The following MBNL1 variants were observed in gnomAD, a reference collection of about 807,000 sequenced individuals.
MBNL1 encodes muscleblind like splicing regulator 1.
MBNL1 carries 8 observed loss-of-function variants against 42.2 expected under a neutral mutation model. That is an observed-to-expected ratio of 0.19 (90% CI 0.11 to 0.34). The LOEUF (loss-of-function observed/expected upper bound fraction) is 0.34, where lower values mean the gene tolerates loss of function less well. MBNL1 is among the 10% of genes least tolerant of loss of function. The pLI is 1.00. For synonymous variants in MBNL1, 169 were observed against 173.9 expected (o/e 0.97, Z 0.22); for missense variants, 309 against 495.3 (o/e 0.62, Z 3.57).
intron 2 of MBNL1, among the ~76,000 whole-genome samples, chr3:152,383,431 A>G (rs1399156703): frequency 3.3e-5 from 5 of 152,058 alleles, no homozygotes; most frequent in Non-Finnish European, 5.9e-5. Flanking sequence ...GTTTATATGC[A>G]TTGTACAGAG....
chr3:152,352,372 A>T, intron 2 of MBNL1, among the ~76,000 whole-genome samples: 1 of 152,184 alleles, frequency 6.6e-6, no homozygotes, highest in East Asian at 1.9e-4. Context: ...GAGTCCCAGG[A>T]AAGCATGAGA....
chr3:152,263,259 T>A (rs895317447), upstream of MBNL1: 1 of 152,200 alleles, frequency 6.6e-6, no homozygotes, highest in East Asian at 1.9e-4. Flanking sequence ...AAAAATGCAT[T>A]GGAAAAGCCT....
intron 2 of MBNL1, among the ~76,000 whole-genome samples, chr3:152,398,947 C>CT (rs1468384240): frequency 1.3e-5 from 2 of 152,116 alleles, no homozygotes; most frequent in East Asian, 1.9e-4. Context: ...AATTTAGCTT[C>CT]TTTTTTGAAG....
At chr3:152,261,146 G>C (rs1269895112) in intron 2 of MBNL1, among the ~76,000 whole-genome samples, 2 of 151,996 alleles carry the variant, frequency 1.3e-5, no homozygotes, top group African/African-American at 2.4e-5. Flanking sequence ...TCATCTAAGG[G>C]GCTTAAAAAA....
At chr3:152,414,477 T>G (rs1199106768) in intron 2 of MBNL1, among the ~76,000 whole-genome samples, 1 of 152,172 alleles carries the variant, frequency 6.6e-6, no homozygotes, top group Admixed American at 6.5e-5. Context: ...TATAAAGGTG[T>G]TTTACTGAAG....
chr3:152,330,397 C>T (rs1237906058), intron 2 of MBNL1, among the ~76,000 whole-genome samples: 1 of 152,082 alleles, frequency 6.6e-6, no homozygotes, highest in African/African-American at 2.4e-5. Context: ...ACTATGCTTG[C>T]CACCTCTGGG....
intron 3 of MBNL1, among the ~76,000 whole-genome samples, chr3:152,427,645 G>A (rs1274583346): frequency 1.3e-5 from 2 of 152,010 alleles, no homozygotes; most frequent in Non-Finnish European, 2.9e-5. Context: ...ATAGTTCAGT[G>A]AGACTAGTTA....
chr3:152,386,139 A>G (rs1354765358), intron 2 of MBNL1, among the ~76,000 whole-genome samples: 4 of 152,000 alleles, frequency 2.6e-5, no homozygotes, highest in African/African-American at 9.7e-5. Context: ...TACTTTGGGG[A>G]AAAAAAGCTC....
intron 2 of MBNL1, among the ~76,000 whole-genome samples, chr3:152,251,558 T>C (rs1004262871): frequency 6.6e-5 from 10 of 152,140 alleles, no homozygotes; most frequent in African/African-American, 1.9e-4. Flanking sequence ...CTTTGTCTTT[T>C]ATGAAAATGA....
chr3:152,333,373 A>G (rs971301325), intron 2 of MBNL1, among the ~76,000 whole-genome samples: 1 of 152,264 alleles, frequency 6.6e-6, no homozygotes, highest in African/African-American at 2.4e-5. Context: ...GTTTGTGTGC[A>G]TATTTGTACA....
At chr3:152,385,505 G>A (rs777344895) in intron 2 of MBNL1, among the ~76,000 whole-genome samples, 4 of 151,974 alleles carry the variant, frequency 2.6e-5, no homozygotes, top group Non-Finnish European at 4.4e-5. Flanking sequence ...GATAATTAAT[G>A]ATGGACAATT....
chr3:152,356,516 C>G (rs189822901), intron 2 of MBNL1, among the ~76,000 whole-genome samples: 1 of 152,292 alleles, frequency 6.6e-6, no homozygotes, highest in African/African-American at 2.4e-5. Flanking sequence ...CACTTGGTCG[C>G]TGGAGTGCAG....
intron 1 of MBNL1, among the ~76,000 whole-genome samples, chr3:152,284,433 G>A (rs1246638892): frequency 3.9e-5 from 6 of 151,946 alleles, no homozygotes; most frequent in Non-Finnish European, 8.8e-5. Flanking sequence ...ATAGAGAACA[G>A]CTTTAGTACA....
chr3:152,407,073 T>TGTGTGTGTGTGTGTGTGTGTG (rs57861310), intron 2 of MBNL1, among the ~76,000 whole-genome samples: 38 of 149,024 alleles, frequency 2.5e-4, no homozygotes, highest in East Asian at 5.9e-4. Flanking sequence ...GTGTGTGTGT[T>TGTGTGTGTGTGTGTGTGTGTG]TGTGTGAACT....
chr3:152,385,553 C>T (rs2097374642), intron 2 of MBNL1, among the ~76,000 whole-genome samples: 2 of 151,772 alleles, frequency 1.3e-5, no homozygotes, highest in Non-Finnish European at 2.9e-5. Flanking sequence ...TATGGAGTAC[C>T]TTTTTACATG....
chr3:152,435,770 C>CTGT (rs1294941082), intron 4 of MBNL1, among the ~76,000 whole-genome samples: 1 of 152,072 alleles, frequency 6.6e-6, no homozygotes, highest in Non-Finnish European at 1.5e-5. Flanking sequence ...CCCTGCTTAA[C>CTGT]TGTTATTCCT....
chr3:152,248,345 T>A (rs2033644940), intron 2 of MBNL1, among the ~76,000 whole-genome samples: 1 of 152,058 alleles, frequency 6.6e-6, no homozygotes, highest in African/African-American at 2.4e-5. Flanking sequence ...ACACTTCACC[T>A]ACTTTAAAAC....
intron 8 of MBNL1, chr3:152,458,109 G>T: frequency 1.2e-6 from 2 of 1,611,806 alleles, no homozygotes; most frequent in Non-Finnish European, 1.7e-6. Flanking sequence ...GGTGTTGAAG[G>T]TCCTTGGTAT....
chr3:152,424,355 A>G (rs561311305), intron 3 of MBNL1, among the ~76,000 whole-genome samples: 2 of 152,312 alleles, frequency 1.3e-5, no homozygotes, highest in South Asian at 2.1e-4. Flanking sequence ...ACCTATGGAT[A>G]TAATTTACGA....
Sources: gnomAD v4.1 joint callset for allele counts (sites outside exome capture counted in the v4.1 genomes callset) on GRCh38, gnomAD v4.1.1 for gene constraint, MANE v1.5 for transcripts, NCBI Gene and HGNC (gene_info 2026-07-23, HGNC 2026-07-21) for gene names.